The following CPS1 variants were observed in gnomAD, a reference collection of about 807,000 sequenced individuals.
CPS1 encodes the protein carbamoyl-phosphate synthase 1.
A neutral mutation model predicts 174.6 loss-of-function variants in CPS1; 109 were observed. The ratio of observed to expected loss-of-function variants is 0.62; its 90% confidence interval spans 0.53 to 0.73. The LOEUF (loss-of-function observed/expected upper bound fraction) is 0.73. Ranked by LOEUF, CPS1 falls within the 30% of genes least tolerant of loss-of-function variation. The pLI is 0.00. For synonymous variants in CPS1, 637 were observed against 632.0 expected (o/e 1.01, Z -0.12); for missense variants, 1,689 against 1,821.9 (o/e 0.93, Z 1.33).
At chr2:210,543,898 C>T (rs183995215) in intron 1 of CPS1, among the ~76,000 whole-genome samples, 12 of 152,156 alleles carry the variant, frequency 7.9e-5, no homozygotes, top group Non-Finnish European at 1.5e-4. Context: ...CACTTCCCCC[C>T]CTCCCGCAAG....
intron 1 of CPS1, among the ~76,000 whole-genome samples, chr2:210,517,154 A>T (rs987816858): frequency 6.6e-6 from 1 of 151,962 alleles, no homozygotes; most frequent in Non-Finnish European, 1.5e-5. Flanking sequence ...AATAACACTA[A>T]CCTAAGGAAA....
chr2:210,661,903 C>CTTTTTT (rs397987631), intron 32 of CPS1, among the ~76,000 whole-genome samples: 4 of 106,650 alleles, frequency 3.8e-5, no homozygotes, highest in Non-Finnish European at 7.4e-5. Context: ...GATAGATATG[C>CTTTTTT]TTTTTTTTTT....
intron 32 of CPS1, among the ~76,000 whole-genome samples, chr2:210,662,691 A>G (rs1236064321): frequency 6.6e-6 from 1 of 152,238 alleles, no homozygotes; most frequent in Non-Finnish European, 1.5e-5. Flanking sequence ...ATTTCTGGCA[A>G]GGTGGCTTGT....
intron 20 of CPS1, among the ~76,000 whole-genome samples, chr2:210,615,188 C>T (rs1342774992): frequency 6.6e-6 from 1 of 151,902 alleles, no homozygotes; most frequent in African/African-American, 2.4e-5. Flanking sequence ...AAGGTTCTCT[C>T]CACCTCACAG....
intron 7 of CPS1, among the ~76,000 whole-genome samples, chr2:210,589,792 T>G (rs532592872): frequency 6.6e-6 from 1 of 152,070 alleles, no homozygotes; most frequent in South Asian, 2.1e-4. Flanking sequence ...TCTGGGTAGC[T>G]GGGACCATAC....
intron 10 of CPS1, 50 bp from the exon 11 acceptor site, chr2:210,592,829 T>G (rs1303381170): frequency 1.3e-6 from 2 of 1,512,666 alleles, no homozygotes; most frequent in Non-Finnish European, 1.8e-6. Context: ...TAGCCACACT[T>G]GACATTCATT....
rs1268635463 is a variant in CPS1, at chr2:210,648,459, T to C, written c.3337-14T>C. 5.0e-6 allele frequency: 8 copies of C among 1,605,022 alleles called. No homozygotes were observed. Among genetic ancestry groups the C allele is most frequent in the Non-Finnish European group, 6.8e-6 (8 of 1,172,250 alleles). On this transcript the variant is annotated splice_polypyrimidine_tract_variant and intron_variant, in intron 26 of 37. Coordinates refer to ENST00000233072, the MANE Select transcript of CPS1 (RefSeq NM_001875.5). The stretch of plus-strand genomic sequence containing the variant: ...AACTACTCATACATTTTTATTGTTG[T>C]TTCTATTAATTAGAATGAAGCACTG...
At position 210,678,051 on chromosome 2, in the gene CPS1, T is replaced by A; in HGVS notation, c.*66T>A. The A allele has an allele frequency of 8.5e-7, 1 of 1,175,540 alleles. No individual in the cohort carries two copies. Among genetic ancestry groups the A allele is most frequent in the Non-Finnish European group, 1.3e-6 (1 of 779,658 alleles). 72.8% of individuals were successfully genotyped at this position (1,175,540 alleles called of 1,614,324 possible). On this transcript the variant is annotated 3_prime_UTR_variant, in exon 38 of 38. Coordinates refer to ENST00000233072, the MANE Select transcript of CPS1 (RefSeq NM_001875.5). ...CCACATGTTATCTAAAGGAACTGAT[T>A]CACAACTTTCTCAGAGATGAATATT...
chr2:210,602,387 T>G (rs965289306), intron 16 of CPS1, 57 bp downstream of exon 16: 7 of 1,584,060 alleles, frequency 4.4e-6, no homozygotes, highest in Non-Finnish European at 6.1e-6. Flanking sequence ...TTGATAGACC[T>G]TTTCAACTAG....
In CPS1 at chr2:210,612,181, C is replaced by A; in HGVS notation, c.2456C>A (p.Ser819Tyr). The A allele has an allele frequency of 6.2e-7, 1 of 1,612,194 alleles. No homozygotes were observed. The highest frequency in any genetic ancestry group is 1.1e-5 in the South Asian group (1 of 91,060). Residue 819 changes from serine (S) to tyrosine (Y), a missense_variant, in exon 20 of 38, where the codon TCT becomes TAT. Physicochemically the swap from Ser to Tyr is moderately radical, Grantham distance 144. Coordinates refer to ENST00000233072, the MANE Select transcript of CPS1 (RefSeq NM_001875.5). ...FQKALRMCHP[S>Y]IEGFTPRLPM... ...AAAGCTTTACGGATGTGCCACCCATCTATAGAAGGTTTCACTCCCCGTCTC... is the reference window on the plus strand; with the variant it reads ...AAAGCTTTACGGATGTGCCACCCATATATAGAAGGTTTCACTCCCCGTCTC...
intron 28 of CPS1, 126 bp from the exon 29 acceptor site, chr2:210,653,899 A>T: frequency 6.6e-6 from 5 of 756,722 alleles, no homozygotes; most frequent in Non-Finnish European, 1.2e-5. Context: ...TTATGTAGTT[A>T]TGTTCAGCCT....
intron 4 of CPS1, among the ~76,000 whole-genome samples, chr2:210,579,278 C>T (rs577735105): frequency 1.3e-5 from 2 of 152,246 alleles, no homozygotes; most frequent in African/African-American, 4.8e-5. Context: ...GATGGACTAA[C>T]AGGATGATCA....
At chr2:210,675,263 G>A (rs1173323018) in intron 35 of CPS1, among the ~76,000 whole-genome samples, 1 of 152,118 alleles carries the variant, frequency 6.6e-6, no homozygotes, top group African/African-American at 2.4e-5. Flanking sequence ...GTTTTCATAT[G>A]AGGTTATAGA....
intron 21 of CPS1, among the ~76,000 whole-genome samples, chr2:210,628,602 C>G (rs768689945): frequency 6.6e-6 from 1 of 152,058 alleles, no homozygotes; most frequent in South Asian, 2.1e-4. Context: ...GAGTTTGAGA[C>G]CAGCCTGGCC....
At chr2:210,572,801 T>C (rs536313385) in intron 1 of CPS1, among the ~76,000 whole-genome samples, 35 of 152,192 alleles carry the variant, frequency 2.3e-4, no homozygotes, top group African/African-American at 7.5e-4. Context: ...TTGGGACAAC[T>C]CCATCAAACA....
chr2:210,562,990 A>G (rs1376454762), intron 1 of CPS1, among the ~76,000 whole-genome samples: 1 of 151,890 alleles, frequency 6.6e-6, no homozygotes, highest in African/African-American at 2.4e-5. Context: ...TGTTCCTCCC[A>G]TTTCACAGAT....
At position 210,638,114 on chromosome 2, in the gene CPS1, T is replaced by G. The variant is rs2270477; in HGVS notation, c.2829+271T>G. Among the ~76,000 whole-genome samples the G allele has an allele frequency of 5.3e-5, 8 of 152,302 alleles. No individual in the cohort carries two copies. In the East Asian group the frequency reaches 1.5e-3, roughly 29 times the overall value. ...TAACTGAACAAAACAAAACAAAAAT[T>G]TAAACTCTCCTCTGCTTTTTGACCT... On this transcript the variant is annotated intron_variant, in intron 22 of 37. Transcript: ENST00000233072.
chr2:210,528,814 CTTTTTTT>C (rs779266955), intron 1 of CPS1, among the ~76,000 whole-genome samples: 2 of 117,684 alleles, frequency 1.7e-5, no homozygotes, highest in African/African-American at 6.2e-5. Flanking sequence ...ATCAAGACAA[CTTTTTTT>C]TTTTTTTTTT....
At chr2:210,561,265 G>A (rs1336054202) in intron 1 of CPS1, among the ~76,000 whole-genome samples, 3 of 152,130 alleles carry the variant, frequency 2.0e-5, no homozygotes, top group Admixed American at 1.3e-4. Flanking sequence ...GTGTCATGGT[G>A]TATCTCTTTG....
Sources: allele counts gnomAD v4.1 joint callset (sites outside exome capture counted in the v4.1 genomes callset), GRCh38; gene constraint gnomAD v4.1.1; transcripts MANE v1.5; gene names NCBI Gene and HGNC (gene_info 2026-07-23, HGNC 2026-07-21).